The following RNF17 variants were observed in gnomAD, a reference collection of about 807,000 sequenced individuals.
The protein encoded by RNF17 is spermatogenesis associated 23.
Under a neutral mutation model 200.5 loss-of-function variants are expected in RNF17, and 31 were observed. That is an observed-to-expected ratio of 0.15 (90% confidence interval 0.12 to 0.21). The LOEUF (loss-of-function observed/expected upper bound fraction) is 0.21. Among genes scored for constraint, RNF17 ranks in the 10% least tolerant of loss-of-function variants. The pLI is 1.00. For missense variants in RNF17, 1,628 were observed against 1,905.1 expected, an observed-to-expected ratio of 0.85 and a Z score of 2.71; for synonymous variants, 606 against 637.8, an observed-to-expected ratio of 0.95 and a Z score of 0.75.
At position 24,877,183 on chromosome 13, in the gene RNF17, C is replaced by G. The variant is rs147415043; in HGVS notation, c.4770C>G (p.Ser1590=). ...CLQGKQLYAV[S]MAPAPEQIVT... is the part of the protein sequence containing the mutation. ...AAGGAAAACAACTCTATGCTGTGTC[C>G]ATGGTAAGTGTCTCAAGTAGCCAAA... Residue 1590 remains serine, a synonymous_variant, in exon 34 of 36, where the codon TCC becomes TCG. Transcript: ENST00000255324. 130 of 1,608,162 alleles carry G rather than the reference C, an allele frequency of 8.1e-5. No homozygotes were observed. In the African/African-American group the frequency reaches 1.5e-3, roughly 18 times the overall value.
Position 24,789,353 on chromosome 13 carries a change from C to A in RNF17, c.789C>A (p.Ile263=). 1 of 1,591,616 alleles carries A rather than the reference C, an allele frequency of 6.3e-7. No individual in the cohort carries two copies. Among genetic ancestry groups the A allele is most frequent in the Non-Finnish European group, 8.6e-7 (1 of 1,162,406 alleles). Residue 263 remains isoleucine, a synonymous_variant, in exon 8 of 36, where the codon ATC becomes ATA. Transcript: ENST00000255324. ...ATTTTTTTTTTAAATTCTAGATTAT[C>A]CGGACTTTGCAGTTAACTTCAGATA... ...LRTYCDLNQI[I]RTLQLTSDSE...
At chr13:24,778,028 G>A (rs986014955) in intron 3 of RNF17, among the ~76,000 whole-genome samples, 3 of 152,108 alleles carry the variant, frequency 2.0e-5, no homozygotes, top group Admixed American at 1.3e-4. Flanking sequence ...TTGGGGGGCC[G>A]AGGTGGGTAG....
At chr13:24,871,928 G>A (rs1256595948) in intron 32 of RNF17, among the ~76,000 whole-genome samples, 2 of 139,764 alleles carry the variant, frequency 1.4e-5, no homozygotes, top group Non-Finnish European at 3.1e-5. Context: ...ACCGTGCCCG[G>A]CCCAGATGAG....
intron 3 of RNF17, 139 bp from the exon 4 acceptor site, chr13:24,778,156 G>C (rs7332582): frequency 8.7e-6 from 5 of 577,624 alleles, no homozygotes; most frequent in African/African-American, 1.9e-5. Context: ...CAGCTACTTG[G>C]GAGACTGAGG....
intron 9 of RNF17, among the ~76,000 whole-genome samples, chr13:24,790,987 A>C (rs553611081): frequency 3.3e-5 from 5 of 152,348 alleles, no homozygotes; most frequent in African/African-American, 1.2e-4. Context: ...ATTTTGAAAC[A>C]TTTAGACCAA....
intron 27 of RNF17, among the ~76,000 whole-genome samples, chr13:24,862,035 C>CCAAA (rs71225273): frequency 0.53 from 80,565 of 151,766 alleles, 21,845 homozygotes; most frequent in Non-Finnish European, 0.6. Flanking sequence ...GGGGAAACGG[C>CCAAA]CACTTTCAAA....
chr13:24,855,791 G>A (rs936308741), intron 25 of RNF17, among the ~76,000 whole-genome samples: 1 of 152,178 alleles, frequency 6.6e-6, no homozygotes, highest in African/African-American at 2.4e-5. Context: ...ACCTATCCTA[G>A]TGGATGTGAA....
chr13:24,772,252 T>C (rs1196421759), intron 2 of RNF17, among the ~76,000 whole-genome samples: 54 of 152,156 alleles, frequency 3.5e-4, no homozygotes. Context: ...ATTACAGTAG[T>C]GTTATAATAG....
At chr13:24,753,432 G>A in the RNF17 span, among the ~76,000 whole-genome samples, 3 of 152,204 alleles carry the variant, frequency 2.0e-5, no homozygotes, top group Non-Finnish European at 4.4e-5. Context: ...GGTGCTCAAA[G>A]GGCAGGAGAG....
At chr13:24,827,809 C>T (rs1168909027) in intron 16 of RNF17, among the ~76,000 whole-genome samples, 7 of 150,734 alleles carry the variant, frequency 4.6e-5, no homozygotes, top group Non-Finnish European at 1.0e-4. Context: ...GGCTTAGTCT[C>T]TGTTTCCAAG....
chr13:24,790,194 C>T (rs1883672438), intron 9 of RNF17, among the ~76,000 whole-genome samples: 1 of 152,218 alleles, frequency 6.6e-6, no homozygotes, highest in South Asian at 2.1e-4. Flanking sequence ...AAGATATTTT[C>T]TTTTCCCTTA....
At chr13:24,841,672 A>G (rs1402788621) in intron 18 of RNF17, among the ~76,000 whole-genome samples, 1 of 152,182 alleles carries the variant, frequency 6.6e-6, no homozygotes. Flanking sequence ...AAATTGCCTC[A>G]TTTAGGCTGG....
chr13:24,749,307 C>CTTTCTT, the RNF17 span, among the ~76,000 whole-genome samples: 71 of 108,020 alleles, frequency 6.6e-4, no homozygotes, highest in Non-Finnish European at 1.0e-3. Flanking sequence ...TTCTTTCTTT[C>CTTTCTT]TTTTTTTTTT....
intron 28 of RNF17, among the ~76,000 whole-genome samples, chr13:24,863,628 C>T (rs1893330091): frequency 6.6e-6 from 1 of 152,214 alleles, no homozygotes; most frequent in South Asian, 2.1e-4. Flanking sequence ...AGGAGGCACA[C>T]ACTCACTTAC....
chr13:24,761,113 T>A (rs148354578), upstream of RNF17, among the ~76,000 whole-genome samples: 1 of 152,358 alleles, frequency 6.6e-6, no homozygotes, highest in Admixed American at 6.5e-5. Flanking sequence ...GTTAACTTAG[T>A]TAAATGTTGA....
upstream of RNF17, among the ~76,000 whole-genome samples, chr13:24,763,776 C>T (rs371505451): frequency 6.6e-6 from 1 of 152,184 alleles, no homozygotes; most frequent in East Asian, 1.9e-4. Flanking sequence ...TTAGCTTCTC[C>T]ACTCCAGCTG....
At chr13:24,862,466 T>C (rs1566242051) in intron 27 of RNF17, among the ~76,000 whole-genome samples, 1 of 152,208 alleles carries the variant, frequency 6.6e-6, no homozygotes, top group African/African-American at 2.4e-5. Flanking sequence ...AGGGTGTGTG[T>C]GTGTGTGTGT....
chr13:24,886,600 C>T, the RNF17 span, among the ~76,000 whole-genome samples: 1 of 152,104 alleles, frequency 6.6e-6, no homozygotes, highest in African/African-American at 2.4e-5. Context: ...AGCAAAGGGG[C>T]AGATGGCAGA....
intron 22 of RNF17, among the ~76,000 whole-genome samples, chr13:24,846,628 G>C (rs1485338626): frequency 6.6e-6 from 1 of 152,106 alleles, no homozygotes; most frequent in Non-Finnish European, 1.5e-5. Flanking sequence ...GTTTCTCTGG[G>C]CCACATTGGA....
Sources: gnomAD v4.1 joint callset for allele counts (sites outside exome capture counted in the v4.1 genomes callset) on GRCh38, gnomAD v4.1.1 for gene constraint, MANE v1.5 for transcripts, NCBI Gene and HGNC (gene_info 2026-07-23, HGNC 2026-07-21) for gene names.